The following MS4A4A variants were observed in gnomAD, a reference collection of about 807,000 sequenced individuals.
MS4A4A encodes the protein membrane spanning 4-domains A4A.
MS4A4A carries 26 observed loss-of-function variants against 28.0 expected under a neutral mutation model. That is an observed-to-expected ratio of 0.93 (90% CI 0.68 to 1.29). The LOEUF (loss-of-function observed/expected upper bound fraction) is 1.29, where lower values mean the gene tolerates loss of function less well. Ranked by LOEUF, MS4A4A falls within the 50% of genes most tolerant of loss-of-function variation. The pLI is 0.00. For missense variants in MS4A4A, 290 were observed against 293.1 expected (o/e 0.99, Z 0.08); for synonymous variants, 86 against 100.8 (o/e 0.85, Z 0.88).
intron 1 of MS4A4A, among the ~76,000 whole-genome samples, chr11:60,291,574 C>T (rs553906260): frequency 2.0e-5 from 3 of 151,798 alleles, no homozygotes; most frequent in East Asian, 1.9e-4. Context: ...CCGAGGCGGG[C>T]GGATCACAAG....
chr11:60,280,684 G>T lies in MS4A4A; in HGVS notation c.9G>T (p.Gln3His). Residue 3 changes from glutamine to histidine, a missense_variant, in exon 1 of 7, where the codon CAG becomes CAT. Physicochemically the swap from Gln to His is conservative, Grantham distance 24. Coordinates refer to ENST00000337908, the MANE Select transcript of MS4A4A (RefSeq NM_148975.3). ...CTTGCCCAGAGCCCTGCATGCATCAGACCTACAGCAGACATTGCAGGCCTG... is the reference window on the plus strand; with the variant it reads ...CTTGCCCAGAGCCCTGCATGCATCATACCTACAGCAGACATTGCAGGCCTG... The part of the protein sequence containing the change: MH[Q>H]TYSRHCRPEE... The T allele has an allele frequency of 1.9e-6, 3 of 1,613,702 alleles. No homozygotes were observed. The highest frequency in any genetic ancestry group is 2.5e-6 in the Non-Finnish European group (3 of 1,179,746).
intron 1 of MS4A4A, chr11:60,282,816 G>A (rs1369418120): frequency 1.8e-6 from 2 of 1,081,766 alleles, no homozygotes; most frequent in Non-Finnish European, 1.2e-6. Flanking sequence ...TTATGCTAAG[G>A]GTGGTGAAAT....
At chr11:60,292,926 C>A (rs558488215) in intron 2 of MS4A4A, among the ~76,000 whole-genome samples, 1 of 152,118 alleles carries the variant, frequency 6.6e-6, no homozygotes, top group Non-Finnish European at 1.5e-5. Flanking sequence ...CTTCAAACCA[C>A]GGGAAAATGT....
chr11:60,298,574 G>A (rs895750999), intron 3 of MS4A4A, among the ~76,000 whole-genome samples: 8 of 152,164 alleles, frequency 5.3e-5, no homozygotes, highest in African/African-American at 1.7e-4. Context: ...GAGAGGTTAA[G>A]TAACTAACCC....
chr11:60,303,029 C>T (rs745748753), intron 5 of MS4A4A, among the ~76,000 whole-genome samples: 19 of 152,122 alleles, frequency 1.2e-4, no homozygotes, highest in Non-Finnish European at 2.5e-4. Context: ...GCAGTACGTA[C>T]TGTTATCCCC....
chr11:60,301,119 G>A (rs905181644), intron 4 of MS4A4A, 62 bp downstream of exon 4: 1 of 1,300,874 alleles, frequency 7.7e-7, no homozygotes, highest in Non-Finnish European at 1.1e-6. Flanking sequence ...AATGTATTCT[G>A]CCAGGGTGTA....
At chr11:60,284,442 T>C (rs2084785794) in intron 1 of MS4A4A, among the ~76,000 whole-genome samples, 1 of 152,178 alleles carries the variant, frequency 6.6e-6, no homozygotes, top group Non-Finnish European at 1.5e-5. Context: ...TGCTCCAACC[T>C]TCTCCGGTCT....
At chr11:60,304,105 A>C (rs2084977015) in intron 5 of MS4A4A, among the ~76,000 whole-genome samples, 1 of 152,252 alleles carries the variant, frequency 6.6e-6, no homozygotes, top group South Asian at 2.1e-4. Flanking sequence ...TCAGTTAGAA[A>C]CTGGCAAAAG....
At chr11:60,293,753 A>C (rs2084877821) in intron 2 of MS4A4A, among the ~76,000 whole-genome samples, 2 of 152,122 alleles carry the variant, frequency 1.3e-5, no homozygotes, top group Admixed American at 1.3e-4. Context: ...CTTTCACCTA[A>C]ATACATGCAT....
chr11:60,305,915 T>C (rs1182183338), intron 5 of MS4A4A, 185 bp from the exon 6 acceptor site: 4 of 578,962 alleles, frequency 6.9e-6, no homozygotes, highest in Non-Finnish European at 1.2e-5. Context: ...GATTATTTTA[T>C]CAGTGAAAAA....
intron 1 of MS4A4A, among the ~76,000 whole-genome samples, chr11:60,286,083 G>A (rs539711315): frequency 6.6e-6 from 1 of 152,180 alleles, no homozygotes; most frequent in Non-Finnish European, 1.5e-5. Context: ...ACTGGGAAAA[G>A]AATTCAGTGA....
chr11:60,306,215 T>C lies in MS4A4A; in HGVS notation c.648+14T>C, dbSNP rs769134831. 2 of 1,589,844 alleles carry C rather than the reference T, an allele frequency of 1.3e-6. No individual in the cohort carries two copies. The highest frequency in any genetic ancestry group is 1.7e-6 in the Non-Finnish European group (2 of 1,158,296). ...ACCCCTGGTGGGGTGAGTATTGGCC[T>C]TCATTTGAAGATGACTGTATTAGTT... On this transcript the variant is annotated intron_variant, in intron 6 of 6. Coordinates refer to ENST00000337908, the MANE Select transcript of MS4A4A (RefSeq NM_148975.3).
intron 1 of MS4A4A, among the ~76,000 whole-genome samples, chr11:60,282,956 T>A (rs1372008378): frequency 6.6e-6 from 1 of 152,182 alleles, no homozygotes; most frequent in Non-Finnish European, 1.5e-5. Flanking sequence ...GAGGCTATAA[T>A]GAATACTTCT....
intron 3 of MS4A4A, among the ~76,000 whole-genome samples, chr11:60,299,448 C>CT (rs5792179): frequency 0.74 from 83,997 of 113,380 alleles, 32,230 homozygotes; most frequent in Non-Finnish European, 0.85. Context: ...AATTACAATT[C>CT]TTTTTTTTTT....
chr11:60,286,884 A>G (rs2084807641), intron 1 of MS4A4A, among the ~76,000 whole-genome samples: 3 of 152,202 alleles, frequency 2.0e-5, no homozygotes, highest in Admixed American at 2.0e-4. Flanking sequence ...GTTAGCATTA[A>G]TGGATAAGGA....
intron 3 of MS4A4A, 152 bp downstream of exon 3, chr11:60,297,477 G>T: frequency 1.2e-6 from 1 of 802,842 alleles, no homozygotes; most frequent in South Asian, 2.0e-5. Flanking sequence ...CATATTTAAA[G>T]TACTACAAAT....
chr11:60,295,303 A>G (rs905714556), intron 2 of MS4A4A, among the ~76,000 whole-genome samples: 1 of 152,144 alleles, frequency 6.6e-6, no homozygotes, highest in Non-Finnish European at 1.5e-5. Flanking sequence ...CATTATAAGT[A>G]CATAAGAAAG....
intron 2 of MS4A4A, among the ~76,000 whole-genome samples, chr11:60,292,871 G>C (rs1337520100): frequency 2.0e-5 from 3 of 152,114 alleles, no homozygotes; most frequent in African/African-American, 7.2e-5. Context: ...TGACAGAATA[G>C]GGCAGGTGAA....
chr11:60,280,741 A>G, intron 1 of MS4A4A, 25 bp downstream of exon 1: 1 of 1,612,976 alleles, frequency 6.2e-7, no homozygotes, highest in Non-Finnish European at 8.5e-7. Flanking sequence ...TTGCCTTCCT[A>G]GGCTTTCGGG....
Sources: allele counts gnomAD v4.1 joint callset (sites outside exome capture counted in the v4.1 genomes callset), GRCh38; gene constraint gnomAD v4.1.1; transcripts MANE v1.5; gene names NCBI Gene and HGNC (gene_info 2026-07-23, HGNC 2026-07-21).